CNTN5: variants seen among roughly 807,000 people sequenced by gnomAD.
The protein encoded by CNTN5 is contactin 5, also known as contactin-5.
A neutral mutation model predicts 129.1 loss-of-function variants in CNTN5; 77 were observed. The observed-to-expected ratio is 0.60, with a 90% CI of 0.50 to 0.72. The LOEUF (loss-of-function observed/expected upper bound fraction) is 0.72, where lower values mean the gene tolerates loss of function less well. CNTN5 is among the 30% of genes least tolerant of loss of function. The pLI is 0.00. For synonymous variants in CNTN5, 509 were observed against 465.6 expected (o/e 1.09, Z -1.20); for missense variants, 1,478 against 1,328.8 (o/e 1.11, Z -1.75).
intron 2 of CNTN5, among the ~76,000 whole-genome samples, chr11:99,470,961 A>G (rs898007713): frequency 3.3e-5 from 5 of 152,104 alleles, no homozygotes; most frequent in Admixed American, 1.3e-4. Context: ...TCATTAGTCA[A>G]GGACTGCTGT....
chr11:99,967,781 C>T (rs1186649480), intron 8 of CNTN5, among the ~76,000 whole-genome samples: 3 of 152,142 alleles, frequency 2.0e-5, no homozygotes, highest in African/African-American at 7.2e-5. Flanking sequence ...CTTCCAGTCT[C>T]CCTTCAGGGT....
intron 13 of CNTN5, among the ~76,000 whole-genome samples, chr11:100,079,243 TGAATCTTA>T (rs1944266922): frequency 6.6e-6 from 1 of 152,160 alleles, no homozygotes; most frequent in Admixed American, 6.6e-5. Flanking sequence ...TTTGTACCTT[TGAATCTTA>T]GAATACTGGC....
chr11:99,067,731 A>T (rs1030387101), intron 1 of CNTN5, among the ~76,000 whole-genome samples: 1 of 152,180 alleles, frequency 6.6e-6, no homozygotes, highest in Admixed American at 6.6e-5. Context: ...TATATTAGAT[A>T]ATTTATAATG....
intron 1 of CNTN5, among the ~76,000 whole-genome samples, chr11:99,060,865 G>C (rs1051917971): frequency 1.3e-5 from 2 of 152,094 alleles, no homozygotes; most frequent in Non-Finnish European, 2.9e-5. Flanking sequence ...GGCTTTTGAA[G>C]AGGCAGCAAA....
chr11:99,274,644 A>G (rs1467828762), intron 1 of CNTN5, among the ~76,000 whole-genome samples: 1 of 151,478 alleles, frequency 6.6e-6, no homozygotes, highest in Non-Finnish European at 1.5e-5. Flanking sequence ...AAAAACTACT[A>G]TATATATATG....
chr11:99,720,722 G>A (rs933133619), intron 3 of CNTN5, among the ~76,000 whole-genome samples: 10 of 152,122 alleles, frequency 6.6e-5, no homozygotes, highest in African/African-American at 2.4e-4. Context: ...CATTTTGCAG[G>A]TGACATGATT....
At chr11:99,804,433 A>G (rs1450451861) in intron 3 of CNTN5, among the ~76,000 whole-genome samples, 3 of 151,960 alleles carry the variant, frequency 2.0e-5, no homozygotes, top group Non-Finnish European at 4.4e-5. Context: ...CTTCAAAATT[A>G]CTTTCTGAAC....
chr11:99,304,155 A>G (rs1248648612), intron 1 of CNTN5, among the ~76,000 whole-genome samples: 1 of 152,092 alleles, frequency 6.6e-6, no homozygotes, highest in African/African-American at 2.4e-5. Context: ...TGTGAAATAT[A>G]TTATGTTTGT....
At chr11:99,957,188 C>T (rs1372592391) in intron 8 of CNTN5, among the ~76,000 whole-genome samples, 179 bp downstream of exon 8, 1 of 151,950 alleles carries the variant, frequency 6.6e-6, no homozygotes, top group Non-Finnish European at 1.5e-5. Context: ...AAAGTTTAGA[C>T]ATAAGAAATT....
At chr11:99,114,935 T>C (rs970509633) in intron 1 of CNTN5, among the ~76,000 whole-genome samples, 1 of 152,184 alleles carries the variant, frequency 6.6e-6, no homozygotes, top group Non-Finnish European at 1.5e-5. Context: ...GGAAGGTGAT[T>C]GGACCATAAA....
intron 8 of CNTN5, among the ~76,000 whole-genome samples, chr11:99,984,546 G>A (rs1938554029): frequency 1.3e-5 from 2 of 151,554 alleles, no homozygotes; most frequent in African/African-American, 4.9e-5. Flanking sequence ...GAGGGGTGGG[G>A]GTTGGCTTCT....
intron 2 of CNTN5, among the ~76,000 whole-genome samples, chr11:99,326,677 G>A (rs1865798764): frequency 6.6e-6 from 1 of 151,984 alleles, no homozygotes; most frequent in African/African-American, 2.4e-5. Context: ...TTTGATTGCA[G>A]GCCCTAACTG....
At chr11:99,716,012 T>C (rs1283275313) in intron 3 of CNTN5, among the ~76,000 whole-genome samples, 3 of 114,018 alleles carry the variant, frequency 2.6e-5, no homozygotes, top group South Asian at 3.9e-4. Context: ...CTTTCGACTT[T>C]AGTCATCTAA....
chr11:100,053,365 A>C (rs1316496848), intron 9 of CNTN5, among the ~76,000 whole-genome samples: 1 of 151,726 alleles, frequency 6.6e-6, no homozygotes, highest in East Asian at 1.9e-4. Context: ...ACTTGTATCC[A>C]GTATGAACTA....
Position 99,613,868 on chromosome 11 carries a change from C to G in CNTN5, c.55+57599C>G, listed in dbSNP as rs1040594178. Among the ~76,000 whole-genome samples, 2 of 152,096 alleles carry G rather than the reference C, an allele frequency of 1.3e-5. 1 individual carries two copies. Among genetic ancestry groups the G allele is most frequent in the Admixed American group, 1.3e-4 (2 of 15,270 alleles). ...TTAGAATAAATATTTTTGATGTAAA[C>G]TGTTAACTTGTACTTTATGTTTGGC... is the stretch of plus-strand genomic sequence containing the variant. On this transcript the variant is annotated intron_variant, in intron 3 of 24. Transcript: ENST00000524871.
chr11:99,580,858 T>C (rs1949557499), intron 3 of CNTN5, among the ~76,000 whole-genome samples: 1 of 132,858 alleles, frequency 7.5e-6, no homozygotes, highest in African/African-American at 2.9e-5. Flanking sequence ...CTTAGTTATT[T>C]CTTGCCTTCT....
intron 13 of CNTN5, among the ~76,000 whole-genome samples, chr11:100,158,671 G>A (rs1947337939): frequency 2.6e-5 from 4 of 151,702 alleles, no homozygotes; most frequent in African/African-American, 9.7e-5. Flanking sequence ...CTCCAAATTA[G>A]GAAACATTTT....
At chr11:99,915,612 A>G (rs971374346) in intron 6 of CNTN5, among the ~76,000 whole-genome samples, 1 of 152,178 alleles carries the variant, frequency 6.6e-6, no homozygotes, top group Admixed American at 6.6e-5. Context: ...TGGCATGCTC[A>G]TGCTTGGTTT....
At chr11:99,331,111 G>A (rs1199157611) in intron 2 of CNTN5, among the ~76,000 whole-genome samples, 3 of 151,954 alleles carry the variant, frequency 2.0e-5, no homozygotes, top group Non-Finnish European at 2.9e-5. Context: ...GTTTTATTTT[G>A]GTTTAACTTC....
Sources: gnomAD v4.1 joint callset for allele counts (sites outside exome capture counted in the v4.1 genomes callset) on GRCh38, gnomAD v4.1.1 for gene constraint, MANE v1.5 for transcripts, NCBI Gene and HGNC (gene_info 2026-07-23, HGNC 2026-07-21) for gene names.